The following CYSTM1 variants were observed in gnomAD, a reference collection of about 807,000 sequenced individuals.
The protein encoded by CYSTM1 is cysteine-rich transmembrane module-containing protein 1.
In CYSTM1, 4 loss-of-function variants were observed where a neutral mutation model predicts 13.1. The observed-to-expected ratio is 0.31, with a 90% CI of 0.15 to 0.70. The LOEUF (loss-of-function observed/expected upper bound fraction) is 0.70. Ranked by LOEUF, CYSTM1 falls within the 30% of genes least tolerant of loss-of-function variation. CYSTM1 has a pLI of 0.72. For missense variants in CYSTM1, 96 were observed against 121.6 expected, an observed-to-expected ratio of 0.79 and a Z score of 0.99; for synonymous variants, 36 against 42.7, an observed-to-expected ratio of 0.84 and a Z score of 0.62.
At chr5:140,178,928 G>A (rs1340274375) in intron 1 of CYSTM1, among the ~76,000 whole-genome samples, 1 of 151,812 alleles carries the variant, frequency 6.6e-6, no homozygotes, top group Admixed American at 6.6e-5. Context: ...GTTTTGTTTG[G>A]CTTTGTTTTT....
rs1764053615 is a variant in CYSTM1 at position 140,188,733 on chromosome 5, C to T, written c.-20-5713C>T. Among the ~76,000 whole-genome samples, 7 of 145,076 alleles carry T rather than the reference C, an allele frequency of 4.8e-5. No individual in the cohort carries two copies. In the South Asian group the frequency reaches 1.5e-3, roughly 31 times the overall value. Reference sequence around the variant, plus strand: ...GGCGGAGCTTGCAGTGAGCCGAGATCACGCCACTGCAGTCCCACCTGGGTG... The same window carrying T: ...GGCGGAGCTTGCAGTGAGCCGAGATTACGCCACTGCAGTCCCACCTGGGTG... On this transcript the variant is annotated intron_variant, in intron 1 of 2. Coordinates refer to ENST00000261811, the MANE Select transcript of CYSTM1 (RefSeq NM_032412.4).
intron 2 of CYSTM1, among the ~76,000 whole-genome samples, chr5:140,224,042 G>A (rs1344634045): frequency 6.6e-6 from 1 of 152,228 alleles, no homozygotes; most frequent in East Asian, 1.9e-4. Context: ...TGGAGGCAGG[G>A]TGGATCCCTG....
intron 2 of CYSTM1, among the ~76,000 whole-genome samples, chr5:140,224,382 GC>G (rs1764525203): frequency 6.6e-6 from 1 of 151,934 alleles, no homozygotes; most frequent in Non-Finnish European, 1.5e-5. Context: ...CAGGTGATCC[GC>G]CCGCCTCGGC....
chr5:140,189,700 A>T (rs1764067113), intron 1 of CYSTM1, among the ~76,000 whole-genome samples: 1 of 152,090 alleles, frequency 6.6e-6, no homozygotes, highest in Non-Finnish European at 1.5e-5. Flanking sequence ...GAACATTTGG[A>T]TAGCTTTCAG....
intron 1 of CYSTM1, among the ~76,000 whole-genome samples, chr5:140,181,718 C>A (rs1157186048): frequency 6.6e-6 from 1 of 152,212 alleles, no homozygotes; most frequent in African/African-American, 2.4e-5. Flanking sequence ...AACTCCTGAG[C>A]TCAGGCAATC....
chr5:140,207,272 C>G (rs1231414092), intron 2 of CYSTM1, among the ~76,000 whole-genome samples: 2 of 152,174 alleles, frequency 1.3e-5, no homozygotes, highest in Non-Finnish European at 2.9e-5. Flanking sequence ...TGGGGTCCTT[C>G]TGAAATTCCT....
At chr5:140,199,524 A>G (rs1366273827) in intron 2 of CYSTM1, among the ~76,000 whole-genome samples, 1 of 152,102 alleles carries the variant, frequency 6.6e-6, no homozygotes, top group East Asian at 1.9e-4. Flanking sequence ...GGAGTCTCAC[A>G]CTGTCGCCCA....
chr5:140,210,484 C>T (rs1372995250), intron 2 of CYSTM1, among the ~76,000 whole-genome samples: 3 of 152,008 alleles, frequency 2.0e-5, no homozygotes, highest in African/African-American at 7.2e-5. Flanking sequence ...GAACCACTGC[C>T]ATAGAGTCTT....
At chr5:140,193,124 A>G (rs969697775) in intron 1 of CYSTM1, among the ~76,000 whole-genome samples, 1 of 152,208 alleles carries the variant, frequency 6.6e-6, no homozygotes, top group Admixed American at 6.5e-5. Context: ...ACTCTTCCCT[A>G]CTATTTGGTT....
intron 2 of CYSTM1, among the ~76,000 whole-genome samples, chr5:140,226,865 T>C (rs1581071287): frequency 6.8e-6 from 1 of 147,736 alleles, no homozygotes; most frequent in Non-Finnish European, 1.5e-5. Flanking sequence ...AGGGGTGGGG[T>C]GGGCACTACC....
At chr5:140,195,566 T>C (rs911975178) in intron 2 of CYSTM1, among the ~76,000 whole-genome samples, 2 of 150,388 alleles carry the variant, frequency 1.3e-5, no homozygotes, top group South Asian at 2.1e-4. Flanking sequence ...CTCAGCCTCC[T>C]GAGTAACTAG....
chr5:140,214,491 C>T (rs1394638219), intron 2 of CYSTM1, among the ~76,000 whole-genome samples: 2 of 152,186 alleles, frequency 1.3e-5, no homozygotes, highest in Admixed American at 1.3e-4. Context: ...CTGGGTTGGC[C>T]AGACCTGGCT....
At chr5:140,208,044 A>G (rs1764318306) in intron 2 of CYSTM1, among the ~76,000 whole-genome samples, 1 of 152,200 alleles carries the variant, frequency 6.6e-6, no homozygotes, top group Non-Finnish European at 1.5e-5. Context: ...GTTCCTCAAA[A>G]AACTAAAAAT....
In CYSTM1 at chr5:140,175,755, G is replaced by A. The variant is rs533068863; in HGVS notation, c.-21+470G>A. 3.5e-4 allele frequency among the ~76,000 whole-genome samples: 53 copies of A among 152,242 alleles called. No individual in the cohort carries two copies. The highest frequency in any genetic ancestry group is 8.5e-4 in the Admixed American group (13 of 15,288). ...GGTCGCGAGTCCCGCGGGTGGGAGC[G>A]GAGCGGAAGTAACTAGTGACTGGAA... On this transcript the variant is annotated intron_variant, in intron 1 of 2. Transcript: ENST00000261811. This position sits in a 1 kb window ranked among gnomAD's most constrained non-coding sequence, Gnocchi z 4.9.
chr5:140,184,388 T>G (rs1341795784), intron 1 of CYSTM1, among the ~76,000 whole-genome samples: 2 of 34,308 alleles, frequency 5.8e-5, no homozygotes, highest in Admixed American at 2.7e-4. Context: ...TAAAGTTGGG[T>G]TTTTTTTTTT....
chr5:140,176,234 C>G lies in CYSTM1; in HGVS notation c.-21+949C>G, dbSNP rs866440706. Among the ~76,000 whole-genome samples, 9 of 152,092 alleles carry G rather than the reference C, an allele frequency of 5.9e-5. No individual in the cohort carries two copies. In the South Asian group the frequency reaches 1.0e-3, roughly 18 times the overall value. ...ACACTGAGGAAGTTGGTGTGACATT[C>G]CGGCAAAAAGGTGACAACACTCTTC... On this transcript the variant is annotated intron_variant, in intron 1 of 2. Transcript: ENST00000261811.
rs1764604414 is a variant in CYSTM1, at chr5:140,230,274, A to G, written c.188-13031A>G. Reference sequence around the variant, plus strand: ...GTATTAATTAGATCATCCTGTTACCAAGCAAAAGGGGCTCACTGCCTGATG... The same window carrying G: ...GTATTAATTAGATCATCCTGTTACCGAGCAAAAGGGGCTCACTGCCTGATG... On this transcript the variant is annotated intron_variant, in intron 2 of 2. Coordinates refer to ENST00000261811, the MANE Select transcript of CYSTM1 (RefSeq NM_032412.4). The surrounding 1 kb of genome is among the most constrained non-coding windows in gnomAD (Gnocchi z 4.1). Among the ~76,000 whole-genome samples the G allele has an allele frequency of 6.6e-6, 1 of 152,166 alleles. No homozygotes were observed. The highest frequency in any genetic ancestry group is 1.5e-5 in the Non-Finnish European group (1 of 68,024).
At chr5:140,241,160 C>T (rs1359187824) in intron 2 of CYSTM1, among the ~76,000 whole-genome samples, 7 of 152,314 alleles carry the variant, frequency 4.6e-5, no homozygotes, top group Admixed American at 3.3e-4. Flanking sequence ...CTGGCAAGAA[C>T]GAACCTGATT....
At chr5:140,229,683 A>G (rs1015542624) in intron 2 of CYSTM1, among the ~76,000 whole-genome samples, 22 of 151,934 alleles carry the variant, frequency 1.4e-4, no homozygotes, top group African/African-American at 4.1e-4. Flanking sequence ...TTATTTATTT[A>G]TCTATTTATT....
Sources: allele counts gnomAD v4.1 joint callset (sites outside exome capture counted in the v4.1 genomes callset), GRCh38; gene constraint gnomAD v4.1.1; non-coding constraint Gnocchi (gnomAD v3.1); transcripts MANE v1.5; gene names NCBI Gene and HGNC (gene_info 2026-07-23, HGNC 2026-07-21).